The following KATNIP variants were observed in gnomAD, a reference collection of about 807,000 sequenced individuals.
KATNIP encodes the protein katanin-interacting protein.
Under a neutral mutation model 174.0 loss-of-function variants are expected in KATNIP, and 126 were observed. That is an observed-to-expected ratio of 0.72 (90% CI 0.63 to 0.84). The LOEUF is 0.84. Among genes scored for constraint, KATNIP ranks in the 40% least tolerant of loss-of-function variants. The pLI is 0.00. For synonymous variants in KATNIP, 810 were observed against 835.7 expected (o/e 0.97, Z 0.53); for missense variants, 1,958 against 2,109.7 (o/e 0.93, Z 1.41).
At chr16:27,690,505 G>C (rs745560008) in intron 8 of KATNIP, among the ~76,000 whole-genome samples, 1 of 152,178 alleles carries the variant, frequency 6.6e-6, no homozygotes, top group Non-Finnish European at 1.5e-5. Flanking sequence ...ATACAGGGGT[G>C]GGAGGAATTC....
At chr16:27,643,563 G>T (rs1453001463) in intron 5 of KATNIP, among the ~76,000 whole-genome samples, 1 of 130,456 alleles carries the variant, frequency 7.7e-6, no homozygotes, top group African/African-American at 2.8e-5. Flanking sequence ...TGCACTCCAG[G>T]CTGGGTAACA....
chr16:27,564,681 C>T (rs1396970831), intron 1 of KATNIP, among the ~76,000 whole-genome samples: 1 of 151,974 alleles, frequency 6.6e-6, no homozygotes, highest in Non-Finnish European at 1.5e-5. Flanking sequence ...CTTAAAGGCC[C>T]ACATCAGCCT....
chr16:27,759,228 T>G (rs1194096297), intron 18 of KATNIP, among the ~76,000 whole-genome samples: 2 of 152,158 alleles, frequency 1.3e-5, no homozygotes, highest in Admixed American at 6.5e-5. Flanking sequence ...GGGAGACTGA[T>G]GGAGACAAAT....
intron 6 of KATNIP, among the ~76,000 whole-genome samples, chr16:27,663,003 T>C (rs2077571098): frequency 6.6e-6 from 1 of 152,098 alleles, no homozygotes; most frequent in Non-Finnish European, 1.5e-5. Flanking sequence ...CATTTACTCA[T>C]TTATTTATTT....
intron 10 of KATNIP, among the ~76,000 whole-genome samples, chr16:27,700,460 A>G (rs1369606459): frequency 6.6e-6 from 1 of 152,172 alleles, no homozygotes; most frequent in Admixed American, 6.6e-5. Context: ...GCTTACAGGC[A>G]ACAGCAAATA....
At chr16:27,749,358 G>A (rs2081404372) in intron 15 of KATNIP, among the ~76,000 whole-genome samples, 1 of 152,190 alleles carries the variant, frequency 6.6e-6, no homozygotes, top group South Asian at 2.1e-4. Flanking sequence ...TCTGTGCCAG[G>A]GCCCCCATGC....
chr16:27,639,191 C>A (rs2076725450), intron 5 of KATNIP, among the ~76,000 whole-genome samples: 1 of 152,206 alleles, frequency 6.6e-6, no homozygotes, highest in African/African-American at 2.4e-5. Context: ...GGCTCCTGGC[C>A]AAGAAGCCGA....
At chr16:27,658,490 A>C (rs1180154068) in intron 6 of KATNIP, among the ~76,000 whole-genome samples, 3 of 152,210 alleles carry the variant, frequency 2.0e-5, no homozygotes, top group Non-Finnish European at 4.4e-5. Flanking sequence ...TAAAAAAGGG[A>C]TATTTTAAAA....
At chr16:27,642,859 C>T (rs778479479) in intron 5 of KATNIP, among the ~76,000 whole-genome samples, 20 of 150,954 alleles carry the variant, frequency 1.3e-4, no homozygotes, top group Non-Finnish European at 1.3e-4. Flanking sequence ...CCTCCCACCT[C>T]AGCCTCCTGA....
At chr16:27,730,294 G>T (rs1230040768) in intron 14 of KATNIP, among the ~76,000 whole-genome samples, 2 of 152,222 alleles carry the variant, frequency 1.3e-5, no homozygotes, top group Non-Finnish European at 2.9e-5. Flanking sequence ...TTAAAATTGG[G>T]AGGTTTTGCA....
intron 8 of KATNIP, among the ~76,000 whole-genome samples, chr16:27,695,335 G>A (rs1399933471): frequency 6.6e-6 from 1 of 152,146 alleles, no homozygotes; most frequent in Admixed American, 6.5e-5. Flanking sequence ...CATGACCTGC[G>A]CTCCCCCAAT....
chr16:27,573,988 G>A (rs1291227615), intron 2 of KATNIP, 32 bp downstream of exon 2: 1 of 1,601,650 alleles, frequency 6.2e-7, no homozygotes, highest in Non-Finnish European at 8.6e-7. Context: ...GCTGATGGGA[G>A]GCAACTCTAT....
At chr16:27,572,059 G>A (rs2090323565) in intron 1 of KATNIP, among the ~76,000 whole-genome samples, 1 of 151,826 alleles carries the variant, frequency 6.6e-6, no homozygotes, top group Admixed American at 6.6e-5. Context: ...CAGCAAAATT[G>A]AGCAGAAATT....
chr16:27,690,562 G>C (rs1333505765), intron 8 of KATNIP, among the ~76,000 whole-genome samples: 1 of 152,182 alleles, frequency 6.6e-6, no homozygotes, highest in African/African-American at 2.4e-5. Context: ...CAGGTAGCCT[G>C]ATGACGTTGG....
intron 16 of KATNIP, among the ~76,000 whole-genome samples, chr16:27,751,119 G>A (rs2081502885): frequency 6.6e-6 from 1 of 152,084 alleles, no homozygotes; most frequent in Non-Finnish European, 1.5e-5. Flanking sequence ...TCTTGGTCCG[G>A]CCCCTAGAAC....
At chr16:27,645,421 C>T (rs1000511022) in intron 5 of KATNIP, among the ~76,000 whole-genome samples, 7 of 152,262 alleles carry the variant, frequency 4.6e-5, no homozygotes, top group Non-Finnish European at 7.4e-5. Context: ...CGTAGCATGC[C>T]GGAGTCTAGA....
chr16:27,636,830 C>T (rs1019871974), intron 5 of KATNIP, among the ~76,000 whole-genome samples: 1 of 152,234 alleles, frequency 6.6e-6, no homozygotes, highest in African/African-American at 2.4e-5. Flanking sequence ...TGAAACCTCC[C>T]AGGGCTGCTG....
intron 8 of KATNIP, among the ~76,000 whole-genome samples, chr16:27,690,291 G>A (rs1185741111): frequency 5.3e-5 from 8 of 150,434 alleles, no homozygotes; most frequent in East Asian, 2.0e-4. Context: ...ACTCCAGCCC[G>A]GGTGACAGAG....
At position 27,650,695 on chromosome 16, in the gene KATNIP, A is replaced by G. The variant is rs1229380015; in HGVS notation, c.540+1960A>G. 1.1e-4 allele frequency among the ~76,000 whole-genome samples: 16 copies of G among 152,244 alleles called. 1 individual carries two copies. The highest frequency in any genetic ancestry group is 9.8e-4 in the Admixed American group (15 of 15,290). The stretch of plus-strand genomic sequence containing the variant: ...CTTGTACTTCCTTATTTGCTGATAA[A>G]GGAAAGACAGATAAAGAGCAAGGAT... On this transcript the variant is annotated intron_variant, in intron 6 of 27. Transcript: ENST00000261588.
Sources: allele counts gnomAD v4.1 joint callset (sites outside exome capture counted in the v4.1 genomes callset), GRCh38; gene constraint gnomAD v4.1.1; transcripts MANE v1.5; gene names NCBI Gene and HGNC (gene_info 2026-07-23, HGNC 2026-07-21).